The following PCDHA7 variants were observed in gnomAD, a reference collection of about 807,000 sequenced individuals.
PCDHA7 encodes protocadherin alpha-7.
A neutral mutation model predicts 57.2 loss-of-function variants in PCDHA7; 37 were observed. That is an observed-to-expected ratio of 0.65 (90% CI 0.50 to 0.85). PCDHA7 has a LOEUF of 0.85. Among genes scored for constraint, PCDHA7 ranks in the 40% least tolerant of loss-of-function variants. The pLI, the probability that PCDHA7 is intolerant of heterozygous loss-of-function variation, is 0.00. For missense variants in PCDHA7, 1,188 were observed against 1,241.8 expected, an observed-to-expected ratio of 0.96 and a Z score of 0.65; for synonymous variants, 553 against 558.8, an observed-to-expected ratio of 0.99 and a Z score of 0.15.
At chr5:140,918,241 G>C (rs1241592397) in intron 1 of PCDHA7, among the ~76,000 whole-genome samples, 4 of 152,162 alleles carry the variant, frequency 2.6e-5, no homozygotes, top group Admixed American at 1.3e-4. Flanking sequence ...CATTGATTTT[G>C]TATGCTGAAA....
intron 2 of PCDHA7, among the ~76,000 whole-genome samples, chr5:140,980,645 G>A (rs1322302727): frequency 6.7e-6 from 1 of 149,206 alleles, no homozygotes; most frequent in African/African-American, 2.5e-5. Flanking sequence ...ATAAATAAAT[G>A]AATAAAATAA....
At chr5:140,924,183 A>G (rs1554201796) in intron 1 of PCDHA7, among the ~76,000 whole-genome samples, 1 of 152,230 alleles carries the variant, frequency 6.6e-6, no homozygotes, top group Non-Finnish European at 1.5e-5. Context: ...GAAGCAGAAA[A>G]TTAGTTTTGG....
chr5:140,899,101 G>T (rs1554188394), intron 1 of PCDHA7, among the ~76,000 whole-genome samples: 5 of 152,096 alleles, frequency 3.3e-5, no homozygotes, highest in Non-Finnish European at 7.4e-5. Context: ...CTGAGATAAT[G>T]GGGTTTTCTA....
rs1045998593 is a variant in PCDHA7, at chr5:140,838,449, A to G, written c.2355+1711A>G. On this transcript the variant is annotated intron_variant, in intron 1 of 3. Coordinates refer to ENST00000525929, the MANE Select transcript of PCDHA7 (RefSeq NM_018910.3). ...TAAATTATATATTGGGTTTTGTGGC[A>G]TATTATTTCATTAGCGCTTATTCCT... 3.3e-5 allele frequency among the ~76,000 whole-genome samples: 5 copies of G among 151,718 alleles called. No individual in the cohort carries two copies. The East Asian group carries it at 9.7e-4, about 29-fold the overall frequency.
intron 1 of PCDHA7, among the ~76,000 whole-genome samples, chr5:140,922,064 T>C (rs2080596272): frequency 6.6e-6 from 1 of 152,054 alleles, no homozygotes; most frequent in Non-Finnish European, 1.5e-5. Flanking sequence ...AATGTAGCAA[T>C]CCCACTAAGC....
intron 1 of PCDHA7, among the ~76,000 whole-genome samples, chr5:140,909,044 T>C (rs538559353): frequency 6.6e-6 from 1 of 152,336 alleles, no homozygotes; most frequent in South Asian, 2.1e-4. Context: ...TTCCATACTC[T>C]GGCATGCAAA....
Position 140,883,957 on chromosome 5 carries a change from G to A in PCDHA7, c.2355+47219G>A, listed in dbSNP as rs879988838. ...TGCTGGACGAGAACGACAACGCTCC[G>A]GCGCTGCTGACGCCCGGGGCTGGCA... On this transcript the variant is annotated intron_variant, in intron 1 of 3. Coordinates refer to ENST00000525929, the MANE Select transcript of PCDHA7 (RefSeq NM_018910.3). 10 of 1,613,246 alleles carry A rather than the reference G, an allele frequency of 6.2e-6. No individual in the cohort carries two copies. In the East Asian group the frequency reaches 1.3e-4, roughly 22 times the overall value.
rs1243853436 is a variant in PCDHA7, at chr5:140,900,308, A to G, written c.2355+63570A>G. ...CTTTTCTGTTTTTTTAGACAGTCTC[A>G]CTTTTGTCGCCCAGGCTGGAGTACC... On this transcript the variant is annotated intron_variant, in intron 1 of 3. Transcript: ENST00000525929. 1.3e-4 allele frequency among the ~76,000 whole-genome samples: 19 copies of G among 149,982 alleles called. No individual in the cohort carries two copies. The East Asian group carries it at 3.9e-3, about 31-fold the overall frequency.
intron 1 of PCDHA7, among the ~76,000 whole-genome samples, chr5:140,937,867 G>A (rs1009502911): frequency 7.9e-5 from 12 of 151,142 alleles, no homozygotes; most frequent in African/African-American, 1.2e-4. Flanking sequence ...AGCCGAGATC[G>A]CGCCACTGCA....
At chr5:140,951,448 G>A (rs892144078) in intron 1 of PCDHA7, among the ~76,000 whole-genome samples, 74 of 152,022 alleles carry the variant, frequency 4.9e-4, no homozygotes, top group African/African-American at 1.7e-3. Context: ...GCATGATGCC[G>A]GCCATCTGCT....
At chr5:140,916,279 C>T (rs2077510203) in intron 1 of PCDHA7, among the ~76,000 whole-genome samples, 1 of 152,228 alleles carries the variant, frequency 6.6e-6, no homozygotes, top group Admixed American at 6.5e-5. Context: ...TGTTGCTCTA[C>T]TCCACGTGGC....
At chr5:140,950,517 A>G (rs1210598995) in intron 1 of PCDHA7, among the ~76,000 whole-genome samples, 1 of 152,012 alleles carries the variant, frequency 6.6e-6, no homozygotes, top group African/African-American at 2.4e-5. Flanking sequence ...CCTGTGTGCG[A>G]TATGATTGTT....
chr5:140,929,651 A>G (rs2086278415), intron 1 of PCDHA7: 2 of 358,222 alleles, frequency 5.6e-6, no homozygotes, highest in East Asian at 8.9e-5. Context: ...AAGGCACTCT[A>G]ATATTTAAAG....
chr5:140,884,204 C>A (rs1410511984), intron 1 of PCDHA7: 1 of 1,613,382 alleles, frequency 6.2e-7, no homozygotes, highest in Non-Finnish European at 8.5e-7. Flanking sequence ...GCCGCACCAC[C>A]GCCTTCTGGT....
chr5:141,000,839 C>G (rs1194048512), intron 3 of PCDHA7, among the ~76,000 whole-genome samples: 1 of 151,970 alleles, frequency 6.6e-6, no homozygotes, highest in Admixed American at 6.6e-5. Flanking sequence ...TCCAGGAGAT[C>G]CAGTCTGGCA....
chr5:140,853,583 T>C lies in PCDHA7; in HGVS notation c.2355+16845T>C, dbSNP rs1298599428. Reference sequence around the variant, plus strand: ...AAAACTAAGTTGTCACCCAATATCTTAGACACTTTGAGAGCAAAGGGGGTG... The same window carrying C: ...AAAACTAAGTTGTCACCCAATATCTCAGACACTTTGAGAGCAAAGGGGGTG... On this transcript the variant is annotated intron_variant, in intron 1 of 3. Transcript: ENST00000525929. 16 of 985,202 alleles carry C rather than the reference T, an allele frequency of 1.6e-5. 2 individuals carry two copies. The highest frequency in any genetic ancestry group is 1.8e-5 in the Non-Finnish European group (15 of 817,512). The allele number at this position is 985,202 out of a possible 1,614,324, so 61.0% of individuals were successfully genotyped here. A position where few individuals can be genotyped will look rare whatever the true frequency, so the allele number is the denominator to read the frequency against.
At chr5:140,884,345 C>T (rs782318945) in intron 1 of PCDHA7, 1 of 1,613,798 alleles carries the variant, frequency 6.2e-7, no homozygotes, top group Non-Finnish European at 8.5e-7. Flanking sequence ...AGAAGCGGCG[C>T]TGGTGGATGT....
chr5:141,002,917 T>C (rs572461368), intron 3 of PCDHA7, among the ~76,000 whole-genome samples: 1 of 152,310 alleles, frequency 6.6e-6, no homozygotes, highest in East Asian at 1.9e-4. Context: ...ATCAGAAAAG[T>C]GAACACCCTC....
chr5:140,841,116 T>G, intron 1 of PCDHA7: 1 of 615,478 alleles, frequency 1.6e-6, no homozygotes, highest in Admixed American at 3.3e-5. Context: ...GTAATTCATG[T>G]AATCATTACC....
Sources: gnomAD v4.1 joint callset for allele counts (sites outside exome capture counted in the v4.1 genomes callset) on GRCh38, gnomAD v4.1.1 for gene constraint, MANE v1.5 for transcripts, NCBI Gene and HGNC (gene_info 2026-07-23, HGNC 2026-07-21) for gene names.